Variants in TEP1 observed in about 807,000 individuals in gnomAD.
TEP1 encodes telomerase protein component 1.
Under a neutral mutation model 306.3 loss-of-function variants are expected in TEP1, and 241 were observed. The observed-to-expected ratio is 0.79, with a 90% CI of 0.71 to 0.88. TEP1 has a LOEUF of 0.88. Among genes scored for constraint, TEP1 ranks in the 40% least tolerant of loss-of-function variants. TEP1 has a pLI of 0.00. For missense variants in TEP1, 3,051 were observed against 3,276.1 expected, an observed-to-expected ratio of 0.93 and a Z score of 1.68; for synonymous variants, 1,289 against 1,305.5, an observed-to-expected ratio of 0.99 and a Z score of 0.27.
Position 20,391,648 on chromosome 14 carries a change from A to G in TEP1, c.2048T>C (p.Leu683Pro). 1 of 1,614,178 alleles carries G rather than the reference A, an allele frequency of 6.2e-7. No individual in the cohort carries two copies. Among genetic ancestry groups the G allele is most frequent in the Non-Finnish European group, 8.5e-7 (1 of 1,180,024 alleles). Residue 683 changes from leucine (L) to proline (P), a missense_variant, in exon 13 of 55, where the codon CTG becomes CCG. Transcript: ENST00000262715. ...GAGCCTGTCTGCATTAGCATCTGTC[A>G]GATAGACCAAGACAGTGCGGCCTGG... The part of the protein sequence containing the change: ...LLPGRTVLVY[L>P]TDANADRLCP...
rs756183086 is a variant in TEP1 at position 20,383,611 on chromosome 14, C to T, written c.3744G>A (p.Leu1248=). The change falls in exon 26 of 55, where the codon CTG becomes CTA. Residue 1248 remains leucine, a synonymous_variant. Transcript: ENST00000262715. The part of the protein sequence containing the change: ...SLVWELQQRL[L]PKSAESLHPG... ...GATGCAGGGACTCAGCAGACTTGGG[C>T]AGCAGCCTCTGCTGCAGCTCCCACA... 2 of 1,613,662 alleles carry T rather than the reference C, an allele frequency of 1.2e-6. No individual in the cohort carries two copies. The highest frequency in any genetic ancestry group is 1.1e-5 in the South Asian group (1 of 90,950).
intron 12 of TEP1, among the ~76,000 whole-genome samples, chr14:20,392,639 C>T (rs1394505137): frequency 6.6e-6 from 1 of 152,122 alleles, no homozygotes; most frequent in African/African-American, 2.4e-5. Flanking sequence ...ACTTAACAAC[C>T]AAATGTAATG....
At position 20,380,066 on chromosome 14, in the gene TEP1, T is replaced by C. The variant is rs761613587; in HGVS notation, c.5004-13A>G. On this transcript the variant is annotated splice_polypyrimidine_tract_variant and intron_variant, in intron 34 of 54. Coordinates refer to ENST00000262715, the MANE Select transcript of TEP1 (RefSeq NM_007110.5). ...AGACAGGCTGGAGCTAGAGAAAGAG[T>C]AGGAAGAAAGGGAGGAAATAAACGA... 7.5e-6 allele frequency: 12 copies of C among 1,606,662 alleles called. No individual in the cohort carries two copies. The highest frequency in any genetic ancestry group is 2.2e-5 in the East Asian group (1 of 44,858).
Position 20,384,719 on chromosome 14 carries a change from C to T in TEP1, c.3108-6G>A, listed in dbSNP as rs766172337. The T allele has an allele frequency of 1.9e-6, 3 of 1,608,084 alleles. No individual in the cohort carries two copies. Among genetic ancestry groups the T allele is most frequent in the Middle Eastern group, 1.6e-4 (1 of 6,076 alleles). ...TCCAGGCATCTGGCACAGAGCTGACCACCAAAGACCCCAAAAGTTGGAATA... is the reference window on the plus strand; with the variant it reads ...TCCAGGCATCTGGCACAGAGCTGACTACCAAAGACCCCAAAAGTTGGAATA... On this transcript the variant is annotated splice_polypyrimidine_tract_variant and splice_region_variant and intron_variant, in intron 21 of 54. Coordinates refer to ENST00000262715, the MANE Select transcript of TEP1 (RefSeq NM_007110.5).
At chr14:20,396,016 A>G in intron 10 of TEP1, 67 bp from the exon 11 acceptor site, 1 of 1,210,402 alleles carries the variant, frequency 8.3e-7, no homozygotes, top group African/African-American at 1.5e-5. Flanking sequence ...TCAGGGGTCC[A>G]CTCTATTAGC....
rs774851685 is a variant in TEP1 at position 20,386,667 on chromosome 14, C to T, written c.2685-44G>A. 5.9e-6 allele frequency: 9 copies of T among 1,516,606 alleles called. No homozygotes were observed. The African/African-American group carries it at 6.9e-5, about 12-fold the overall frequency. The allele number at this position is 1,516,606 out of a possible 1,614,324, so 93.9% of individuals were successfully genotyped here. A position where few individuals can be genotyped will look rare whatever the true frequency, so the allele number is the denominator to read the frequency against. On this transcript the variant is annotated intron_variant, in intron 18 of 54. Transcript: ENST00000262715. Reference sequence around the variant, plus strand: ...CTGGGCTCAGTCTAGGGATGATTCCCACCCCCCATCCATAGACACTGCTGT... The same window carrying T: ...CTGGGCTCAGTCTAGGGATGATTCCTACCCCCCATCCATAGACACTGCTGT...
Position 20,380,070 on chromosome 14 carries a change from A to G in TEP1, c.5004-17T>C. ...AGGCTGGAGCTAGAGAAAGAGTAGG[A>G]AGAAAGGGAGGAAATAAACGAGAGA... On this transcript the variant is annotated splice_polypyrimidine_tract_variant and intron_variant, in intron 34 of 54. Coordinates refer to ENST00000262715, the MANE Select transcript of TEP1 (RefSeq NM_007110.5). 6.2e-7 allele frequency: 1 copy of G among 1,607,110 alleles called. No homozygotes were observed. Among genetic ancestry groups the G allele is most frequent in the Non-Finnish European group, 8.5e-7 (1 of 1,177,596 alleles).
At position 20,367,340 on chromosome 14, in the gene TEP1, G is replaced by A. The variant is rs1162912712; in HGVS notation, c.*1097C>T. 1 of 148,568 alleles carries A rather than the reference G, an allele frequency of 6.7e-6. No individual in the cohort carries two copies. The highest frequency in any genetic ancestry group is 2.5e-5 in the African/African-American group (1 of 39,906). The allele number at this position is 148,568 out of a possible 1,614,324, so 9.2% of individuals were successfully genotyped here. ...ATTGCACCATTGCACTCCAGCCTAG[G>A]TGACAGAGCCAGACTCTATCTCAAA... On this transcript the variant is annotated 3_prime_UTR_variant, in exon 55 of 55. Transcript: ENST00000262715.
Position 20,384,252 on chromosome 14 carries a change from T to C in TEP1, c.3340-20A>G. On this transcript the variant is annotated intron_variant, in intron 23 of 54. Coordinates refer to ENST00000262715, the MANE Select transcript of TEP1 (RefSeq NM_007110.5). Reference sequence around the variant, plus strand: ...CCCAGGCTGAGGGTAAATGGGTCAGTGACTATCCATGGTGCCATGCTCCTC... The same window carrying C: ...CCCAGGCTGAGGGTAAATGGGTCAGCGACTATCCATGGTGCCATGCTCCTC... 1 of 1,611,988 alleles carries C rather than the reference T, an allele frequency of 6.2e-7. No individual in the cohort carries two copies. The highest frequency in any genetic ancestry group is 8.5e-7 in the Non-Finnish European group (1 of 1,178,792).
Position 20,371,625 on chromosome 14 carries a change from G to C in TEP1, c.7084C>G (p.Leu2362Val), listed in dbSNP as rs748607656. ...AAGTCCTCCTGTAGAATTCGGTTCA[G>C]GTGAAGACTAGCTCAAAAAAGTACA... is the stretch of plus-strand genomic sequence containing the variant. ...GSAPGNLSLH[L>V]NRILQEDLGV... Residue 2362 changes from leucine (L) to valine (V), a missense_variant, in exon 50 of 55, where the codon CTG becomes GTG. Transcript: ENST00000262715. 1 of 1,572,120 alleles carries C rather than the reference G, an allele frequency of 6.4e-7. No homozygotes were observed.
At chr14:20,375,135 C>G (rs1885099953) in intron 43 of TEP1, among the ~76,000 whole-genome samples, 3 of 150,140 alleles carry the variant, frequency 2.0e-5, no homozygotes, top group Admixed American at 1.3e-4. Flanking sequence ...GCCTGGCACA[C>G]AGTGAGCATA....
chr14:20,369,331 C>T lies in TEP1; in HGVS notation c.7656+13G>A, dbSNP rs1416399767. 6 of 1,613,910 alleles carry T rather than the reference C, an allele frequency of 3.7e-6. No homozygotes were observed. In the African/African-American group the frequency reaches 8.0e-5, roughly 22 times the overall value. On this transcript the variant is annotated intron_variant, in intron 53 of 54. Transcript: ENST00000262715. ...CCCTCCCCTAGTATTTCTGACCCTTCCTTCAAACTCACCTTTCTACGCTGC... is the reference window on the plus strand; with the variant it reads ...CCCTCCCCTAGTATTTCTGACCCTTTCTTCAAACTCACCTTTCTACGCTGC...
chr14:20,391,596 T>C lies in TEP1; in HGVS notation c.2097+3A>G. ...CCTTGGAGGATGCTTTTTGTTTTCTTACCCCTTGTGGGTTGCTCTTTGGAC... is the reference window on the plus strand; with the variant it reads ...CCTTGGAGGATGCTTTTTGTTTTCTCACCCCTTGTGGGTTGCTCTTTGGAC... On this transcript the variant is annotated splice_donor_region_variant and intron_variant, in intron 13 of 54. Coordinates refer to ENST00000262715, the MANE Select transcript of TEP1 (RefSeq NM_007110.5). 6.2e-7 allele frequency: 1 copy of C among 1,610,262 alleles called. No individual in the cohort carries two copies. The highest frequency in any genetic ancestry group is 8.5e-7 in the Non-Finnish European group (1 of 1,177,270).
intron 51 of TEP1, among the ~76,000 whole-genome samples, chr14:20,370,069 A>C (rs1884744990): frequency 6.6e-6 from 1 of 152,034 alleles, no homozygotes. Flanking sequence ...GTGCGCCACC[A>C]CACCCAGCTG....
intron 17 of TEP1, 55 bp downstream of exon 17, chr14:20,389,183 T>G: frequency 6.7e-7 from 1 of 1,486,282 alleles, no homozygotes; most frequent in East Asian, 2.3e-5. Context: ...AGAGATAATC[T>G]CCTAAAAACT....
At chr14:20,382,583 G>A (rs754742675) in intron 28 of TEP1, 40 bp downstream of exon 28, 2 of 1,606,516 alleles carry the variant, frequency 1.2e-6, no homozygotes, top group Non-Finnish European at 1.7e-6. Context: ...AGAGAGAATG[G>A]GAAGTAGTGA....
At chr14:20,402,498 T>C (rs1017978458) in intron 7 of TEP1, among the ~76,000 whole-genome samples, 1 of 152,228 alleles carries the variant, frequency 6.6e-6, no homozygotes, top group South Asian at 2.1e-4. Context: ...ATGGTAGTGA[T>C]AGCTAACACT....
Position 20,404,764 on chromosome 14 carries a change from C to T in TEP1, c.879G>A (p.Leu293=). Residue 293 remains leucine, a synonymous_variant, in exon 5 of 55, where the codon TTG becomes TTA. Coordinates refer to ENST00000262715, the MANE Select transcript of TEP1 (RefSeq NM_007110.5). ...LEPEFILKAS[L]YARQQLNVRN... ...GGACGTTCAGCTGCTGCCTGGCATA[C>T]AAAGATGCCTAGGACACAGGGTGAG... 6.2e-7 allele frequency: 1 copy of T among 1,609,320 alleles called. No individual in the cohort carries two copies. Among genetic ancestry groups the T allele is most frequent in the Non-Finnish European group, 8.5e-7 (1 of 1,177,488 alleles).
rs1884511133 is a variant in TEP1 at position 20,367,093 on chromosome 14, A to AAGT, written c.*1343_*1344insACT. Reference sequence around the variant, plus strand: ...AAAGTTCTTTTATGGGCCGGGCACAATGGCTCACGCCTGTAATCCCAGAAC... The same window carrying AAGT: ...AAAGTTCTTTTATGGGCCGGGCACAAAGTTGGCTCACGCCTGTAATCCCAGAAC... On this transcript the variant is annotated 3_prime_UTR_variant, in exon 55 of 55. Coordinates refer to ENST00000262715, the MANE Select transcript of TEP1 (RefSeq NM_007110.5). 1 of 152,200 alleles carries AAGT rather than the reference A, an allele frequency of 6.6e-6. No individual in the cohort carries two copies. Among genetic ancestry groups the AAGT allele is most frequent in the Non-Finnish European group, 1.5e-5 (1 of 68,036 alleles). 9.4% of individuals were successfully genotyped at this position (152,200 alleles called of 1,614,324 possible). A position where few individuals can be genotyped will look rare whatever the true frequency, so the allele number is the denominator to read the frequency against.
Sources: gnomAD v4.1 joint callset for allele counts (sites outside exome capture counted in the v4.1 genomes callset) on GRCh38, gnomAD v4.1.1 for gene constraint, MANE v1.5 for transcripts, NCBI Gene and HGNC (gene_info 2026-07-23, HGNC 2026-07-21) for gene names.